The following NTRK1 variants were observed in gnomAD, a reference collection of about 807,000 sequenced individuals.
NTRK1 encodes neurotrophic receptor tyrosine kinase 1.
Under a neutral mutation model 86.8 loss-of-function variants are expected in NTRK1, and 62 were observed. The observed-to-expected ratio is 0.71, with a 90% CI of 0.58 to 0.88. The LOEUF is 0.88. NTRK1 is among the 40% of genes least tolerant of loss of function. The probability of loss-of-function intolerance (pLI) is 0.00; values close to 1 mark genes in which losing one functional copy is unlikely to be tolerated. For synonymous variants in NTRK1, 469 were observed against 456.6 expected (o/e 1.03, Z -0.35); for missense variants, 967 against 1,078.4 (o/e 0.90, Z 1.45).
chr1:156,848,389 T>C (rs1655084412), intron 2 of NTRK1, among the ~76,000 whole-genome samples: 1 of 152,180 alleles, frequency 6.6e-6, no homozygotes, highest in Non-Finnish European at 1.5e-5. Context: ...ATATCTCCTT[T>C]TGATTCCTAA....
chr1:156,871,637 G>C lies in NTRK1; in HGVS notation c.732G>C (p.Leu244=). The stretch of plus-strand genomic sequence containing the variant: ...TCCTGATCTAGAAATCTGGGGGTCT[G>C]CCATCCCTGGGGCTGACCCTGGCCA... ...QSATVMKSGG[L]PSLGLTLANV... is the part of the protein sequence containing the mutation. The change falls in exon 7 of 17, where the codon CTG becomes CTC. Residue 244 remains leucine (L), a synonymous_variant. Transcript: ENST00000524377. The C allele has an allele frequency of 1.2e-6, 2 of 1,614,110 alleles. No homozygotes were observed. Among genetic ancestry groups the C allele is most frequent in the Non-Finnish European group, 1.7e-6 (2 of 1,180,014 alleles).
At chr1:156,846,394 T>A in intron 2 of NTRK1, 1 of 829,916 alleles carries the variant, frequency 1.2e-6, no homozygotes, top group South Asian at 1.7e-5. Context: ...GACTCAAGCA[T>A]CTGGCCTTCC....
intron 8 of NTRK1, 177 bp from the exon 9 acceptor site, chr1:156,874,206 C>T (rs1647752600): frequency 2.8e-6 from 3 of 1,056,370 alleles, no homozygotes; most frequent in South Asian, 1.3e-5. Context: ...CATCCTGGCC[C>T]AGCTGGAAAA....
intron 1 of NTRK1, among the ~76,000 whole-genome samples, chr1:156,819,668 C>T (rs1368234020): frequency 2.6e-5 from 4 of 151,722 alleles, no homozygotes; most frequent in African/African-American, 9.7e-5. Flanking sequence ...TACAGGCATG[C>T]GCCACCATGC....
intron 1 of NTRK1, among the ~76,000 whole-genome samples, chr1:156,835,579 A>AT (rs973708277): frequency 2.0e-5 from 3 of 152,134 alleles, no homozygotes; most frequent in South Asian, 2.1e-4. Context: ...GCTTCCAGAT[A>AT]TTTTTTCTGA....
chr1:156,877,464 G>A (rs78594768), intron 14 of NTRK1, among the ~76,000 whole-genome samples: 1 of 152,244 alleles, frequency 6.6e-6, no homozygotes, highest in Non-Finnish European at 1.5e-5. Context: ...GTAGTGAATG[G>A]CCCAGGGGTG....
intron 1 of NTRK1, chr1:156,816,104 C>T: frequency 4.3e-6 from 7 of 1,609,730 alleles, no homozygotes; most frequent in Non-Finnish European, 5.9e-6. Flanking sequence ...CCTGTGAGCA[C>T]AAAGAGGGCT....
At position 156,864,767 on chromosome 1, in the gene NTRK1, T is replaced by C. The variant is rs1257800654; in HGVS notation, c.327T>C (p.Asp109=). 5 of 1,613,956 alleles carry C rather than the reference T, an allele frequency of 3.1e-6. No individual in the cohort carries two copies. The highest frequency in any genetic ancestry group is 4.2e-6 in the Non-Finnish European group (5 of 1,180,000). Residue 109 remains aspartate, a synonymous_variant, in exon 3 of 17, where the codon GAT becomes GAC. Coordinates refer to ENST00000524377, the MANE Select transcript of NTRK1 (RefSeq NM_002529.4). ...GTGGTCTCCGTTTCGTGGCGCCAGATGCCTTCCATTTCACTCCTCGGCTCA... is the reference window on the plus strand; with the variant it reads ...GTGGTCTCCGTTTCGTGGCGCCAGACGCCTTCCATTTCACTCCTCGGCTCA... ...VKSGLRFVAP[D]AFHFTPRLSR... is the part of the protein sequence containing the mutation.
chr1:156,817,426 A>AAAT (rs140467972), intron 1 of NTRK1, among the ~76,000 whole-genome samples: 1 of 151,272 alleles, frequency 6.6e-6, no homozygotes, highest in South Asian at 2.1e-4. Context: ...ACTATTTTTA[A>AAAT]AATAATAATA....
At chr1:156,872,733 T>C (rs1419540745) in intron 7 of NTRK1, among the ~76,000 whole-genome samples, 3 of 151,208 alleles carry the variant, frequency 2.0e-5, no homozygotes, top group Non-Finnish European at 4.4e-5. Context: ...TGGAGTGCAG[T>C]GGCGCGCTCT....
intron 2 of NTRK1, among the ~76,000 whole-genome samples, chr1:156,850,365 C>T (rs1479442960): frequency 6.6e-6 from 1 of 151,606 alleles, no homozygotes; most frequent in East Asian, 1.9e-4. Context: ...GTGCCCACCA[C>T]CACACCTGGC....
chr1:156,855,176 T>TTATCTATCTGTC (rs1655363444), intron 2 of NTRK1, among the ~76,000 whole-genome samples: 1 of 143,462 alleles, frequency 7.0e-6, no homozygotes, highest in African/African-American at 2.6e-5. Flanking sequence ...CCATCCAATT[T>TTATCTATCTGTC]TATCTATCTA....
chr1:156,829,347 T>TC (rs1654405138), intron 1 of NTRK1, among the ~76,000 whole-genome samples: 1 of 151,720 alleles, frequency 6.6e-6, no homozygotes, highest in Non-Finnish European at 1.5e-5. Context: ...GTATCCCTCA[T>TC]CCCCCCTTTT....
Position 156,860,872 on chromosome 1 carries a change from T to C in NTRK1, c.-63T>C, listed in dbSNP as rs1316763027. 3 of 1,388,732 alleles carry C rather than the reference T, an allele frequency of 2.2e-6. No homozygotes were observed. The African/African-American group carries it at 4.6e-5, about 21-fold the overall frequency. 86.0% of individuals were successfully genotyped at this position (1,388,732 alleles called of 1,614,324 possible). On this transcript the variant is annotated 5_prime_UTR_variant, in exon 1 of 17. Coordinates refer to ENST00000524377, the MANE Select transcript of NTRK1 (RefSeq NM_002529.4). Reference sequence around the variant, plus strand: ...CCCAGCGCACATGTCGGGGGAGGCCTGGCAGCTGCAGCTGGGAGCGCACAG... The same window carrying C: ...CCCAGCGCACATGTCGGGGGAGGCCCGGCAGCTGCAGCTGGGAGCGCACAG...
chr1:156,880,404 T>C, intron 16 of NTRK1: 1 of 573,062 alleles, frequency 1.7e-6, no homozygotes, highest in Non-Finnish European at 3.1e-6. Context: ...CTCAAAGTGC[T>C]TTGTACAAGG....
rs111577824 is a variant in NTRK1 at position 156,824,786 on chromosome 1, T to A, written c.-64+8948T>A. On this transcript the variant is annotated intron_variant, in intron 1 of 16. Transcript: ENST00000392302. Reference sequence around the variant, plus strand: ...TTCTCCCTAGGAGCTCACCAAAGACTCCATCCTTTATCCACCATGGTGATT... The same window carrying A: ...TTCTCCCTAGGAGCTCACCAAAGACACCATCCTTTATCCACCATGGTGATT... 7.4e-4 allele frequency among the ~76,000 whole-genome samples: 112 copies of A among 152,316 alleles called. 2 individuals are homozygous for A. Among genetic ancestry groups the A allele is most frequent in the African/African-American group, 2.6e-3 (110 of 41,558 alleles).
intron 2 of NTRK1, chr1:156,846,666 T>A (rs780206165): frequency 6.2e-7 from 1 of 1,614,150 alleles, no homozygotes; most frequent in South Asian, 1.1e-5. Flanking sequence ...GGCTCCTGGG[T>A]GCGGCTTAGG....
chr1:156,875,698 C>CAAGT (rs1647860526), intron 12 of NTRK1, 32 bp downstream of exon 12: 5 of 1,240,202 alleles, frequency 4.0e-6, no homozygotes, highest in Non-Finnish European at 5.6e-6. Flanking sequence ...AGGGCAGGGA[C>CAAGT]GAGTGTGTGT....
At chr1:156,851,711 G>T (rs756613475) in intron 2 of NTRK1, 11 of 1,614,054 alleles carry the variant, frequency 6.8e-6, no homozygotes, top group Non-Finnish European at 8.5e-6. Context: ...ATCCTGTGCC[G>T]CCTGGATGGA....
Sources: allele counts gnomAD v4.1 joint callset (sites outside exome capture counted in the v4.1 genomes callset), GRCh38; gene constraint gnomAD v4.1.1; transcripts MANE v1.5; gene names NCBI Gene and HGNC (gene_info 2026-07-23, HGNC 2026-07-21).